Variants in ZNF578 observed in about 807,000 individuals in gnomAD.
ZNF578 encodes Putative chemokine-related protein B42.
A neutral mutation model predicts 8.3 loss-of-function variants in ZNF578; 8 were observed. The observed-to-expected ratio is 0.96, with a 90% CI of 0.56 to 1.74. The LOEUF (loss-of-function observed/expected upper bound fraction) is 1.74. Among genes scored for constraint, ZNF578 ranks in the 40% most tolerant of loss-of-function variants. The pLI is 0.00. For missense variants in ZNF578, 726 were observed against 707.5 expected (o/e 1.03, Z -0.30); for synonymous variants, 206 against 232.2 (o/e 0.89, Z 1.03).
At chr19:52,502,138 C>T (rs1413367871) in intron 4 of ZNF578, among the ~76,000 whole-genome samples, 1 of 152,158 alleles carries the variant, frequency 6.6e-6, no homozygotes. Flanking sequence ...AGAGGCTCCA[C>T]TGGGCATGGT....
chr19:52,505,839 C>A (rs7252479), intron 5 of ZNF578, among the ~76,000 whole-genome samples: 10,749 of 151,984 alleles, frequency 0.071, 454 homozygotes, highest in Middle Eastern at 0.12. Flanking sequence ...ATGAGGTTTC[C>A]ATGGTTTAGT....
rs914577676 is a variant in ZNF578 at position 52,469,426 on chromosome 19, C to T, written c.-122+12468C>T. 1.1e-4 allele frequency among the ~76,000 whole-genome samples: 16 copies of T among 152,082 alleles called. No homozygotes were observed. The East Asian group carries it at 3.1e-3, about 29-fold the overall frequency. ...CCACCTGCCTTGGCCTCCCAAAGTA[C>T]TGGGAATACAGGTGTGAGCCACTGT... On this transcript the variant is annotated intron_variant, in intron 2 of 5. Transcript: ENST00000421239.
chr19:52,467,213 G>A (rs1168935534), intron 2 of ZNF578, among the ~76,000 whole-genome samples: 1 of 152,058 alleles, frequency 6.6e-6, no homozygotes, highest in East Asian at 1.9e-4. Flanking sequence ...GTTTTGCCAT[G>A]TTGGCCAGGT....
intron 2 of ZNF578, among the ~76,000 whole-genome samples, chr19:52,468,241 C>G (rs989024511): frequency 6.6e-6 from 1 of 152,116 alleles, no homozygotes; most frequent in African/African-American, 2.4e-5. Flanking sequence ...AAATGCTCTT[C>G]TAGTAGAGTC....
At chr19:52,509,062 C>G (rs901171015) in intron 5 of ZNF578, among the ~76,000 whole-genome samples, 1 of 151,854 alleles carries the variant, frequency 6.6e-6, no homozygotes, top group Non-Finnish European at 1.5e-5. Flanking sequence ...CCACCACACC[C>G]GGCTGATGTT....
At chr19:52,494,261 G>A (rs530987121) in intron 3 of ZNF578, among the ~76,000 whole-genome samples, 79 of 152,208 alleles carry the variant, frequency 5.2e-4, no homozygotes, top group Non-Finnish European at 9.7e-4. Context: ...CTGAGGCAGA[G>A]GGATTGCTTG....
chr19:52,494,352 C>T (rs945890969), intron 3 of ZNF578, among the ~76,000 whole-genome samples: 1 of 151,946 alleles, frequency 6.6e-6, no homozygotes, highest in Non-Finnish European at 1.5e-5. Context: ...AAAAATTTAA[C>T]GGGGCATGAT....
chr19:52,489,911 C>G (rs1244266389), intron 2 of ZNF578, among the ~76,000 whole-genome samples: 1 of 152,154 alleles, frequency 6.6e-6, no homozygotes, highest in Non-Finnish European at 1.5e-5. Flanking sequence ...CCGCCTCGGC[C>G]TCCCAAAGTG....
In ZNF578 at chr19:52,511,506, G is replaced by C. The variant is rs1265813389; in HGVS notation, c.1125G>C (p.Glu375Asp). The change falls in exon 6 of 6, where the codon GAG becomes GAC. Residue 375 changes from glutamate (E) to aspartate (D), a missense_variant. Glu to Asp is a conservative substitution (Grantham distance 45). Transcript: ENST00000421239. ...HTGIKPYKCN[E>D]CGKMFGQNST... ...GAATAAAACCTTACAAGTGTAATGA[G>C]TGTGGCAAGATGTTTGGTCAAAATT... 2 of 1,613,500 alleles carry C rather than the reference G, an allele frequency of 1.2e-6. No homozygotes were observed. The highest frequency in any genetic ancestry group is 1.7e-6 in the Non-Finnish European group (2 of 1,179,732).
intron 3 of ZNF578, among the ~76,000 whole-genome samples, chr19:52,496,484 C>T (rs1304934215): frequency 2.0e-5 from 3 of 146,386 alleles, no homozygotes; most frequent in Non-Finnish European, 4.5e-5. Flanking sequence ...CGCCCGCCAC[C>T]GCGCCCAGCT....
Position 52,512,262 on chromosome 19 carries a change from A to G in ZNF578, c.*108A>G, listed in dbSNP as rs767985629. The G allele has an allele frequency of 3.3e-5, 52 of 1,598,246 alleles. No homozygotes were observed. Among genetic ancestry groups the G allele is most frequent in the Non-Finnish European group, 4.3e-5 (50 of 1,165,950 alleles). On this transcript the variant is annotated 3_prime_UTR_variant, in exon 6 of 6. Coordinates refer to ENST00000421239, the MANE Select transcript of ZNF578 (RefSeq NM_001099694.2). ...AGAATTCATACTGGAGAGAAACCTT[A>G]CAAGTGTAATGAGTGTGGCAAAGCC...
Position 52,513,337 on chromosome 19 carries a change from CTT to C in ZNF578, c.*1206_*1207del, listed in dbSNP as rs11318311. 0.12 allele frequency among the ~76,000 whole-genome samples: 11,940 copies of C among 100,412 alleles called. 607 individuals carry two copies. Among genetic ancestry groups the C allele is most frequent in the Non-Finnish European group, 0.15 (7,702 of 50,630 alleles). 65.9% of individuals were successfully genotyped at this position (100,412 alleles called of 152,430 possible). A position where few individuals can be genotyped will look rare whatever the true frequency, so the allele number is the denominator to read the frequency against. On this transcript the variant is annotated 3_prime_UTR_variant, in exon 6 of 6. Transcript: ENST00000421239. ...GCGCCTGGCATTGTTTCTTCTTTTC[CTT>C]TTTTTTTTTTTTTTTTTTTTTTGAG...
At chr19:52,488,660 T>C (rs1032066082) in intron 2 of ZNF578, among the ~76,000 whole-genome samples, 6 of 151,826 alleles carry the variant, frequency 4.0e-5, no homozygotes, top group African/African-American at 7.3e-5. Context: ...GGCAGACTCC[T>C]GTAATCCCAG....
At chr19:52,462,756 TG>T (rs528261418) in intron 2 of ZNF578, among the ~76,000 whole-genome samples, 156 of 152,284 alleles carry the variant, frequency 1.0e-3, no homozygotes, top group African/African-American at 3.7e-3. Context: ...GTTGAGATCT[TG>T]GTTCCAAAAT....
In ZNF578 at chr19:52,465,204, C is replaced by T. The variant is rs570051735; in HGVS notation, c.-122+8246C>T. Among the ~76,000 whole-genome samples, 12 of 152,194 alleles carry T rather than the reference C, an allele frequency of 7.9e-5. No homozygotes were observed. The South Asian group carries it at 2.5e-3, about 32-fold the overall frequency. On this transcript the variant is annotated intron_variant, in intron 2 of 5. Transcript: ENST00000421239. ...GGGCGAGCCTGAATTGCCCCCTCCC[C>T]ATAATGAACTGCGGGGCAGGTAATA...
Position 52,516,642 on chromosome 19 carries a change from GAC to G in ZNF578, c.*4489_*4490del, listed in dbSNP as rs2059477509. On this transcript the variant is annotated 3_prime_UTR_variant, in exon 6 of 6. Transcript: ENST00000421239. ...TTGTGATTTATTTCTGCACCATCTT[GAC>G]TGATCAATGTGCTTTGTAATCTCCC... Among the ~76,000 whole-genome samples, 1 of 152,146 alleles carries G rather than the reference GAC, an allele frequency of 6.6e-6. No homozygotes were observed. The highest frequency in any genetic ancestry group is 1.5e-5 in the Non-Finnish European group (1 of 68,028).
chr19:52,503,453 C>A (rs1367864134), intron 4 of ZNF578, among the ~76,000 whole-genome samples: 2 of 152,136 alleles, frequency 1.3e-5, no homozygotes, highest in African/African-American at 2.4e-5. Context: ...TCAAGCAATT[C>A]TTTTGCCTCA....
rs867967439 is a variant in ZNF578, at chr19:52,511,679, G to A, written c.1298G>A (p.Gly433Asp). 9 of 1,612,122 alleles carry A rather than the reference G, an allele frequency of 5.6e-6. No individual in the cohort carries two copies. In the Middle Eastern group the frequency reaches 9.9e-4, roughly 177 times the overall value. The change falls in exon 6 of 6, where the codon GGT (glycine) becomes GAT (aspartate). Residue 433 changes from glycine (G) to aspartate (D), a missense_variant. Gly to Asp is a moderately conservative substitution (Grantham distance 94). Coordinates refer to ENST00000421239, the MANE Select transcript of ZNF578 (RefSeq NM_001099694.2). ...GEKPYKCNDC[G>D]KAFIHQSSLA... ...AAACCTTACAAGTGTAATGACTGTG[G>A]TAAGGCTTTTATTCATCAGTCAAGC... is the stretch of plus-strand genomic sequence containing the variant.
rs139664200 is a variant in ZNF578, at chr19:52,498,780, G to C, written c.-19-3047G>C. ...GGATCACTGCAACCTCTGCCTCCCGGGCTCAAGTGATCTTGCGTCAGCCTC... is the reference window on the plus strand; with the variant it reads ...GGATCACTGCAACCTCTGCCTCCCGCGCTCAAGTGATCTTGCGTCAGCCTC... On this transcript the variant is annotated intron_variant, in intron 3 of 5. Coordinates refer to ENST00000421239, the MANE Select transcript of ZNF578 (RefSeq NM_001099694.2). Among the ~76,000 whole-genome samples, 209 of 147,520 alleles carry C rather than the reference G, an allele frequency of 1.4e-3. 2 individuals carry two copies. The East Asian group carries it at 0.027, about 19-fold the overall frequency.
Sources: gnomAD v4.1 joint callset for allele counts (sites outside exome capture counted in the v4.1 genomes callset) on GRCh38, gnomAD v4.1.1 for gene constraint, MANE v1.5 for transcripts, NCBI Gene and HGNC (gene_info 2026-07-23, HGNC 2026-07-21) for gene names.